Variants in RPGRIP1L observed in about 807,000 individuals in gnomAD.
RPGRIP1L encodes the protein protein fantom.
A neutral mutation model predicts 160.4 loss-of-function variants in RPGRIP1L; 131 were observed. The observed-to-expected ratio is 0.82, with a 90% CI of 0.71 to 0.94. The LOEUF is 0.94. RPGRIP1L is among the 40% of genes least tolerant of loss of function. The pLI is 0.00. For missense variants in RPGRIP1L, 1,522 were observed against 1,535.8 expected, an observed-to-expected ratio of 0.99 and a Z score of 0.15; for synonymous variants, 510 against 515.8, an observed-to-expected ratio of 0.99 and a Z score of 0.15.
Position 53,664,953 on chromosome 16 carries a change from A to T in RPGRIP1L, c.1160T>A (p.Val387Glu), listed in dbSNP as rs764057006. ...GGCAGTCTCGAGCTGAGCAATCTGCACTTTCAGCTGTTGCTCCTTTAACTT... is the reference window on the plus strand; with the variant it reads ...GGCAGTCTCGAGCTGAGCAATCTGCTCTTTCAGCTGTTGCTCCTTTAACTT... ...QWKLKEQQLK[V>E]QIAQLETALK... The change falls in exon 10 of 27, where the codon GTG (valine) becomes GAG (glutamate). Residue 387 changes from valine to glutamate, a missense_variant. Val to Glu is a moderately radical substitution (Grantham distance 121). Coordinates refer to ENST00000647211, the MANE Select transcript of RPGRIP1L (RefSeq NM_015272.5). The T allele has an allele frequency of 1.2e-6, 2 of 1,613,422 alleles. No homozygotes were observed. The highest frequency in any genetic ancestry group is 2.2e-5 in the East Asian group (1 of 44,886).
chr16:53,672,262 T>C (rs1968797071), intron 8 of RPGRIP1L, among the ~76,000 whole-genome samples: 1 of 152,204 alleles, frequency 6.6e-6, no homozygotes, highest in Non-Finnish European at 1.5e-5. Context: ...CTTTTTCCTG[T>C]GGATCAGATT....
chr16:53,683,585 G>T (rs936648980), intron 6 of RPGRIP1L, among the ~76,000 whole-genome samples: 1 of 151,814 alleles, frequency 6.6e-6, no homozygotes, highest in Non-Finnish European at 1.5e-5. Flanking sequence ...ATAAATGTGA[G>T]GGGATAGATG....
intron 2 of RPGRIP1L, among the ~76,000 whole-genome samples, chr16:53,698,717 G>C (rs1343728707): frequency 7.1e-6 from 1 of 141,206 alleles, no homozygotes; most frequent in East Asian, 2.2e-4. Context: ...GGAGGGAGGT[G>C]GGGGGGTCAG....
chr16:53,695,768 G>A, intron 3 of RPGRIP1L: 2 of 348,562 alleles, frequency 5.7e-6, no homozygotes, highest in East Asian at 6.1e-5. Flanking sequence ...TTAAGGGAAT[G>A]TGCATTCTAA....
At chr16:53,684,478 C>A (rs1969842214) in intron 6 of RPGRIP1L, among the ~76,000 whole-genome samples, 1 of 151,584 alleles carries the variant, frequency 6.6e-6, no homozygotes. Context: ...TCATTCTCAG[C>A]AAACTATCGC....
chr16:53,615,472 A>ATAT (rs1343321461), intron 24 of RPGRIP1L, among the ~76,000 whole-genome samples: 17 of 75,054 alleles, frequency 2.3e-4, no homozygotes, highest in African/African-American at 9.0e-4. Flanking sequence ...ATATATATAT[A>ATAT]TTTTTTTTTT....
At chr16:53,638,269 C>A (rs375794046) in intron 20 of RPGRIP1L, 41 bp downstream of exon 20, 29 of 1,178,196 alleles carry the variant, frequency 2.5e-5, no homozygotes, top group Non-Finnish European at 3.4e-5. Context: ...ATTTAAGAAC[C>A]AAATTAAACC....
At chr16:53,699,880 A>C (rs573869860) in intron 2 of RPGRIP1L, among the ~76,000 whole-genome samples, 39 of 152,282 alleles carry the variant, frequency 2.6e-4, no homozygotes, top group African/African-American at 9.4e-4. Context: ...AATAAACAAT[A>C]CATTGACCAC....
Position 53,606,681 on chromosome 16 carries a change from T to G in RPGRIP1L, c.3702-1067A>C, listed in dbSNP as rs373417752. On this transcript the variant is annotated intron_variant, in intron 25 of 26. Transcript: ENST00000647211. Reference sequence around the variant, plus strand: ...CAGGCTGGAGTGAAGTGGCGCAATCTTGGCTCACTGCAACCTCTGCCTCCT... The same window carrying G: ...CAGGCTGGAGTGAAGTGGCGCAATCGTGGCTCACTGCAACCTCTGCCTCCT... Among the ~76,000 whole-genome samples, 15 of 152,252 alleles carry G rather than the reference T, an allele frequency of 9.9e-5. No homozygotes were observed. In the East Asian group the frequency reaches 1.9e-3, roughly 20 times the overall value.
At chr16:53,638,488 T>C in intron 19 of RPGRIP1L, 77 bp from the exon 20 acceptor site, 1 of 780,098 alleles carries the variant, frequency 1.3e-6, no homozygotes, top group South Asian at 1.6e-5. Flanking sequence ...ATCATATACA[T>C]ATTGAACTAC....
intron 22 of RPGRIP1L, among the ~76,000 whole-genome samples, chr16:53,624,708 T>C (rs1964962707): frequency 6.6e-6 from 1 of 152,232 alleles, no homozygotes; most frequent in Admixed American, 6.5e-5. Flanking sequence ...TTATTTCTAC[T>C]TTTCTGCATG....
At chr16:53,698,251 G>T (rs1318102224) in intron 2 of RPGRIP1L, among the ~76,000 whole-genome samples, 4 of 150,428 alleles carry the variant, frequency 2.7e-5, no homozygotes, top group African/African-American at 9.9e-5. Context: ...CCCGGCAGCC[G>T]ACCCGTCCGG....
intron 26 of RPGRIP1L, among the ~76,000 whole-genome samples, chr16:53,602,644 G>A (rs1963439880): frequency 6.6e-6 from 1 of 152,112 alleles, no homozygotes; most frequent in Non-Finnish European, 1.5e-5. Flanking sequence ...GCATGGTGGT[G>A]CATGCCTGTA....
intron 10 of RPGRIP1L, chr16:53,659,861 CAG>C (rs1284704124): frequency 6.6e-6 from 1 of 152,132 alleles, no homozygotes; most frequent in African/African-American, 2.4e-5. Flanking sequence ...GCCTGGGCGA[CAG>C]AGCAAGACTC....
intron 7 of RPGRIP1L, among the ~76,000 whole-genome samples, chr16:53,674,500 ACT>A (rs1392407600): frequency 6.6e-6 from 1 of 152,128 alleles, no homozygotes; most frequent in Non-Finnish European, 1.5e-5. Context: ...AAATAAATAC[ACT>A]GATAGTTGAC....
rs1206957374 is a variant in RPGRIP1L at position 53,662,041 on chromosome 16, G to A, written c.1243+2829C>T. Among the ~76,000 whole-genome samples the A allele has an allele frequency of 2.0e-5, 3 of 152,212 alleles. No homozygotes were observed. In the East Asian group the frequency reaches 5.8e-4, roughly 29 times the overall value. On this transcript the variant is annotated intron_variant, in intron 10 of 26. Coordinates refer to ENST00000647211, the MANE Select transcript of RPGRIP1L (RefSeq NM_015272.5). ...CTGAATTATAATAGGCAAAATCAAA[G>A]CACTCTGTACAAGATGAAAAATAAC...
intron 19 of RPGRIP1L, among the ~76,000 whole-genome samples, chr16:53,638,788 C>T (rs1448740893): frequency 6.6e-6 from 1 of 151,428 alleles, no homozygotes; most frequent in Non-Finnish European, 1.5e-5. Flanking sequence ...ACAGAGAATA[C>T]ATAACATAGT....
In RPGRIP1L at chr16:53,605,484, C is replaced by T. The variant is rs370655253; in HGVS notation, c.3832G>A (p.Asp1278Asn). ...TGAGCAACACTTTCACCCATACCAT[C>T]GATATTTTGCTCAATGAGGTCCCTC... ...EGRDLIEQNI[D>N]VFDARADGEG... The change falls in exon 26 of 27, where the codon GAT (aspartate) becomes AAT (asparagine). Residue 1278 changes from aspartate to asparagine, a missense_variant. Transcript: ENST00000647211. The T allele has an allele frequency of 1.4e-5, 22 of 1,613,974 alleles. No homozygotes were observed. The highest frequency in any genetic ancestry group is 1.1e-4 in the African/African-American group (8 of 74,908).
chr16:53,598,855 A>G lies in RPGRIP1L; in HGVS notation c.*3221T>C, dbSNP rs1963274481. 1.3e-5 allele frequency: 2 copies of G among 152,184 alleles called. No homozygotes were observed. Among genetic ancestry groups the G allele is most frequent in the Admixed American group, 1.3e-4 (2 of 15,274 alleles). 9.4% of individuals were successfully genotyped at this position (152,184 alleles called of 1,614,324 possible). A position where few individuals can be genotyped will look rare whatever the true frequency, so the allele number is the denominator to read the frequency against. On this transcript the variant is annotated 3_prime_UTR_variant, in exon 27 of 27. Transcript: ENST00000647211. ...ATCACTTGATAATTTTTATCCCAAA[A>G]TCTCTCTCCTGGTTGTTTTGTCCTA...
Sources: gnomAD v4.1 joint callset for allele counts (sites outside exome capture counted in the v4.1 genomes callset) on GRCh38, gnomAD v4.1.1 for gene constraint, MANE v1.5 for transcripts, NCBI Gene and HGNC (gene_info 2026-07-23, HGNC 2026-07-21) for gene names.